Variants in EML5 observed in about 807,000 individuals in gnomAD.
EML5 encodes EMAP like 5.
EML5 carries 120 observed loss-of-function variants against 250.0 expected under a neutral mutation model. That is an observed-to-expected ratio of 0.48 (90% CI 0.41 to 0.56). EML5 has a LOEUF of 0.56. Among genes scored for constraint, EML5 ranks in the 20% least tolerant of loss-of-function variants. EML5 has a pLI of 0.00. For missense variants in EML5, 2,006 were observed against 2,437.6 expected, an observed-to-expected ratio of 0.82 and a Z score of 3.73; for synonymous variants, 771 against 806.5, an observed-to-expected ratio of 0.96 and a Z score of 0.75.
At chr14:88,718,788 A>T (rs1830320346) in intron 8 of EML5, among the ~76,000 whole-genome samples, 1 of 152,132 alleles carries the variant, frequency 6.6e-6, no homozygotes, top group Non-Finnish European at 1.5e-5. Context: ...TTGAGGCATG[A>T]AACTTAAGAT....
rs2093635370 is a variant in EML5, at chr14:88,724,302, C to T, written c.1187+2239G>A. Among the ~76,000 whole-genome samples the T allele has an allele frequency of 1.3e-5, 2 of 149,352 alleles. 1 individual carries two copies. The highest frequency in any genetic ancestry group is 4.2e-4 in the South Asian group (2 of 4,740). ...AAAAAAAAAAAAAAAAAGTTATGTT[C>T]AGTAATGAATCCTGCTTTACCATAT... On this transcript the variant is annotated intron_variant, in intron 8 of 43. Transcript: ENST00000554922.
Position 88,616,226 on chromosome 14 carries a change from A to G in EML5, c.5813T>C (p.Phe1938Ser). ...TGTCACATGGGGCGAATGACCCAAGAACCTTTTGTGTTTTGCCTAAAAAAC... is the reference window on the plus strand; with the variant it reads ...TGTCACATGGGGCGAATGACCCAAGGACCTTTTGTGTTTTGCCTAAAAAAC... Reference protein sequence around the residue: ...CPEKFAKHKRFLGHSPHVTNI... With the variant: ...CPEKFAKHKRSLGHSPHVTNI... Residue 1938 changes from phenylalanine to serine, a missense_variant, in exon 43 of 44, where the codon TTC becomes TCC. This residue lies in a region of EML5 where 56 missense variants were observed against 55.1 expected (regional missense o/e 1.02). Coordinates refer to ENST00000554922, the MANE Select transcript of EML5 (RefSeq NM_183387.3). 6.2e-7 allele frequency: 1 copy of G among 1,613,890 alleles called. No homozygotes were observed. The highest frequency in any genetic ancestry group is 8.5e-7 in the Non-Finnish European group (1 of 1,179,786).
chr14:88,660,772 A>AAAAAAC (rs1567080348), intron 25 of EML5, among the ~76,000 whole-genome samples: 5 of 151,972 alleles, frequency 3.3e-5, no homozygotes, highest in African/African-American at 1.2e-4. Context: ...GAAAAAAAAA[A>AAAAAAC]CTTAATATAC....
chr14:88,744,001 TA>T, intron 4 of EML5, 21 bp downstream of exon 4: 2 of 1,511,604 alleles, frequency 1.3e-6, no homozygotes, highest in Admixed American at 2.0e-5. Context: ...GTGACTATTA[TA>T]AAACAAGACC....
Position 88,644,519 on chromosome 14 carries a change from A to G in EML5, c.4029-8T>C. ...GCCCTGCTCACTGGAGGCCTGCAAC[A>G]GAGAAGTGGGGAGGAGGAAAGGCAT... On this transcript the variant is annotated splice_region_variant and splice_polypyrimidine_tract_variant and intron_variant, in intron 29 of 43. Transcript: ENST00000554922. 1 of 1,613,522 alleles carries G rather than the reference A, an allele frequency of 6.2e-7. No individual in the cohort carries two copies. Among genetic ancestry groups the G allele is most frequent in the South Asian group, 1.1e-5 (1 of 91,062 alleles).
chr14:88,682,135 A>T (rs2092726059), intron 20 of EML5, 104 bp from the exon 21 acceptor site: 1 of 1,194,112 alleles, frequency 8.4e-7, no homozygotes, highest in African/African-American at 1.6e-5. Flanking sequence ...ATATGATAAT[A>T]GGATACCGAA....
intron 1 of EML5, among the ~76,000 whole-genome samples, chr14:88,770,099 C>T (rs1231233114): frequency 6.6e-6 from 1 of 152,058 alleles, no homozygotes; most frequent in East Asian, 1.9e-4. Context: ...GAAACGGCCG[C>T]TGAAATTTGT....
rs764340962 is a variant in EML5, at chr14:88,711,317, A to C, written c.1657+954T>G. Among the ~76,000 whole-genome samples, 150 of 148,616 alleles carry C rather than the reference A, an allele frequency of 1.0e-3. 2 individuals are homozygous for C. Among genetic ancestry groups the C allele is most frequent in the Non-Finnish European group, 3.1e-4 (21 of 67,654 alleles). ...TCGAATCATGGGGGCAGTTTCCCCC[A>C]TGCTGTTTTCGTGACAGTGAGTGAG... On this transcript the variant is annotated intron_variant, in intron 10 of 43. Coordinates refer to ENST00000554922, the MANE Select transcript of EML5 (RefSeq NM_183387.3).
chr14:88,714,919 A>G lies in EML5; in HGVS notation c.1444+20T>C. On this transcript the variant is annotated intron_variant, in intron 9 of 43. Transcript: ENST00000554922. ...TATTGTATAGGTACTACAAATCTAT[A>G]ATTTGCTAGAAATTGTTACCTGGCA... is the stretch of plus-strand genomic sequence containing the variant. The G allele has an allele frequency of 3.1e-6, 5 of 1,605,894 alleles. No homozygotes were observed. The highest frequency in any genetic ancestry group is 4.3e-6 in the Non-Finnish European group (5 of 1,175,806).
intron 1 of EML5, among the ~76,000 whole-genome samples, chr14:88,782,537 G>C (rs1385554337): frequency 6.6e-6 from 1 of 152,164 alleles, no homozygotes; most frequent in African/African-American, 2.4e-5. Context: ...AGGCTCGGAG[G>C]CCTCAGAGGA....
intron 23 of EML5, 110 bp from the exon 24 acceptor site, chr14:88,663,229 C>G (rs1306418093): frequency 1.5e-5 from 9 of 598,980 alleles, no homozygotes; most frequent in Non-Finnish European, 2.1e-5. Context: ...AATATAAAAA[C>G]CATTTTCTGC....
chr14:88,729,557 GGTTTTTT>G (rs954748162), intron 7 of EML5, among the ~76,000 whole-genome samples: 4 of 149,436 alleles, frequency 2.7e-5, no homozygotes, highest in Admixed American at 6.6e-5. Context: ...ATACTTATTT[GGTTTTTT>G]GTTTTTTGTT....
At position 88,661,933 on chromosome 14, in the gene EML5, AAATG is replaced by A. The variant is rs368146750; in HGVS notation, c.3499-107_3499-104del. The A allele has an allele frequency of 1.1e-4, 120 of 1,054,864 alleles. 1 individual carries two copies. In the African/African-American group the frequency reaches 1.7e-3, roughly 15 times the overall value. The allele number at this position is 1,054,864 out of a possible 1,614,324, so 65.3% of individuals were successfully genotyped here. On this transcript the variant is annotated intron_variant, in intron 24 of 43. Coordinates refer to ENST00000554922, the MANE Select transcript of EML5 (RefSeq NM_183387.3). ...TTTGTAGTTATGTGTGTCACAAGTA[AAATG>A]AAAGTTTTAATGAAAAAATAGTTAA... is the stretch of plus-strand genomic sequence containing the variant.
At chr14:88,726,329 GAATTT>G (rs2093665956) in intron 8 of EML5, among the ~76,000 whole-genome samples, 1 of 151,926 alleles carries the variant, frequency 6.6e-6, no homozygotes, top group African/African-American at 2.4e-5. Flanking sequence ...CAAGGCTTCT[GAATTT>G]ATTTTTCGGA....
chr14:88,622,941 C>T (rs1303846118), intron 36 of EML5: 1 of 393,182 alleles, frequency 2.5e-6, no homozygotes, highest in Non-Finnish European at 4.5e-6. Context: ...TTGAGAAATA[C>T]TCTTTTTTTC....
chr14:88,756,568 T>C (rs1595791042), intron 1 of EML5, among the ~76,000 whole-genome samples: 2 of 152,212 alleles, frequency 1.3e-5, no homozygotes, highest in African/African-American at 4.8e-5. Flanking sequence ...TATGATCATA[T>C]ATACAGAAAA....
intron 33 of EML5, among the ~76,000 whole-genome samples, chr14:88,631,386 G>A (rs2090429481): frequency 6.6e-6 from 1 of 152,094 alleles, no homozygotes; most frequent in Non-Finnish European, 1.5e-5. Context: ...TCTAAGTTTT[G>A]TATATTTTTG....
In EML5 at chr14:88,685,746, G is replaced by T. The variant is rs569035763; in HGVS notation, c.2855-604C>A. Among the ~76,000 whole-genome samples, 5 of 151,944 alleles carry T rather than the reference G, an allele frequency of 3.3e-5. No individual in the cohort carries two copies. In the East Asian group the frequency reaches 5.8e-4, roughly 18 times the overall value. On this transcript the variant is annotated intron_variant, in intron 19 of 43. Coordinates refer to ENST00000554922, the MANE Select transcript of EML5 (RefSeq NM_183387.3). The stretch of plus-strand genomic sequence containing the variant: ...ATTACAGATGTGGGCCACCACAGCC[G>T]GCCCCCATGTGCTTTAAATAACTTT...
chr14:88,726,727 T>C (rs190923510), intron 7 of EML5, 49 bp from the exon 8 acceptor site: 13 of 1,357,048 alleles, frequency 9.6e-6, no homozygotes, highest in African/African-American at 8.8e-5. Flanking sequence ...ATGCATACTT[T>C]AGTAAAAATA....
Sources: allele counts gnomAD v4.1 joint callset (sites outside exome capture counted in the v4.1 genomes callset), GRCh38; gene constraint gnomAD v4.1.1; regional missense constraint gnomAD v4.1.1; transcripts MANE v1.5; gene names NCBI Gene and HGNC (gene_info 2026-07-23, HGNC 2026-07-21).